Variants in GIGYF2 observed in about 807,000 individuals in gnomAD.
GIGYF2 encodes GRB10-interacting GYF protein 2.
Under a neutral mutation model 208.1 loss-of-function variants are expected in GIGYF2, and 25 were observed. That is an observed-to-expected ratio of 0.12 (90% confidence interval 0.09 to 0.17). The LOEUF (loss-of-function observed/expected upper bound fraction) is 0.17, where lower values mean the gene tolerates loss of function less well. Among genes scored for constraint, GIGYF2 ranks in the 10% least tolerant of loss-of-function variants. The probability of loss-of-function intolerance (pLI) is 1.00; values close to 1 mark genes in which losing one functional copy is unlikely to be tolerated. For synonymous variants in GIGYF2, 534 were observed against 543.8 expected (o/e 0.98, Z 0.25); for missense variants, 1,302 against 1,579.4 (o/e 0.82, Z 2.98).
chr2:232,802,091 C>T (rs1341638131), intron 14 of GIGYF2, among the ~76,000 whole-genome samples: 1 of 152,044 alleles, frequency 6.6e-6, no homozygotes, highest in Non-Finnish European at 1.5e-5. Flanking sequence ...TATAGAAATG[C>T]AACTGATTTT....
chr2:232,786,652 ATATCT>A (rs1290141680), intron 8 of GIGYF2, among the ~76,000 whole-genome samples: 6 of 152,362 alleles, frequency 3.9e-5, no homozygotes, highest in African/African-American at 7.2e-5. Flanking sequence ...ATGATGAAAA[ATATCT>A]TATAACTTTA....
At chr2:232,820,709 C>T (rs934657732) in intron 21 of GIGYF2, among the ~76,000 whole-genome samples, 1 of 152,090 alleles carries the variant, frequency 6.6e-6, no homozygotes, top group Non-Finnish European at 1.5e-5. Flanking sequence ...CTAGTTTTCC[C>T]ACCACCATTT....
intron 5 of GIGYF2, among the ~76,000 whole-genome samples, chr2:232,753,622 C>T (rs1468927681): frequency 6.6e-6 from 1 of 152,116 alleles, no homozygotes; most frequent in Non-Finnish European, 1.5e-5. Context: ...ATGTATTAGA[C>T]ACTGTTCTAA....
In GIGYF2 at chr2:232,815,725, C is replaced by A; in HGVS notation, c.2196C>A (p.Ala732=). 1 of 1,561,006 alleles carries A rather than the reference C, an allele frequency of 6.4e-7. No individual in the cohort carries two copies. Among genetic ancestry groups the A allele is most frequent in the Non-Finnish European group, 8.8e-7 (1 of 1,131,556 alleles). The change falls in exon 19 of 29, where the codon GCC becomes GCA. Residue 732 remains alanine, a synonymous_variant. Coordinates refer to ENST00000373563, the MANE Select transcript of GIGYF2 (RefSeq NM_001103146.3). ...ALEQLQQLEK[A]KAAKLEQERR... ...AACAGCTTCAGCAGCTAGAGAAGGC[C>A]AAAGCTGCAAAGGTCTGAAACTCAT... is the stretch of plus-strand genomic sequence containing the variant.
rs1450224967 is a variant in GIGYF2 at position 232,735,216 on chromosome 2, A to G, written c.19A>G (p.Thr7Ala). The change falls in exon 3 of 29, where the codon ACA (threonine) becomes GCA (alanine). Residue 7 changes from threonine (T) to alanine (A), a missense_variant. By Grantham distance (58) the Thr-to-Ala change is moderately conservative. Transcript: ENST00000373563. ...GAAAAGAATGGCAGCGGAAACGCAG[A>G]CACTGAACTTTGGGCCTGAATGGTG... MAAETQ[T>A]LNFGPEWLRA... 5.6e-6 allele frequency: 9 copies of G among 1,609,200 alleles called. No homozygotes were observed. Among genetic ancestry groups the G allele is most frequent in the Non-Finnish European group, 7.7e-6 (9 of 1,175,604 alleles).
chr2:232,827,312 G>A (rs1574930340), intron 21 of GIGYF2, among the ~76,000 whole-genome samples: 1 of 152,116 alleles, frequency 6.6e-6, no homozygotes, highest in East Asian at 1.9e-4. Flanking sequence ...GCTTTATTGC[G>A]ATCTTCACTT....
chr2:232,821,847 T>C (rs1027419916), intron 21 of GIGYF2, among the ~76,000 whole-genome samples: 1 of 152,116 alleles, frequency 6.6e-6, no homozygotes, highest in African/African-American at 2.4e-5. Flanking sequence ...CTGTATGATA[T>C]GAGGTATGGG....
At chr2:232,712,498 A>G (rs1269336122) in intron 2 of GIGYF2, among the ~76,000 whole-genome samples, 1 of 152,232 alleles carries the variant, frequency 6.6e-6, no homozygotes. Context: ...AGTGAAGAAT[A>G]TAGTGACTGC....
chr2:232,752,638 T>G (rs1467898778), intron 5 of GIGYF2, among the ~76,000 whole-genome samples: 2 of 152,092 alleles, frequency 1.3e-5, no homozygotes, highest in Non-Finnish European at 2.9e-5. Flanking sequence ...CTTCTCGGGT[T>G]CACGCCATTC....
chr2:232,840,527 CATT>C (rs1701783663), intron 23 of GIGYF2, among the ~76,000 whole-genome samples: 2 of 19,084 alleles, frequency 1.0e-4, no homozygotes, highest in Non-Finnish European at 2.5e-4. Context: ...ATTCGGTGCT[CATT>C]CATTCATTCA....
At chr2:232,849,725 A>G (rs1206864878) in intron 27 of GIGYF2, among the ~76,000 whole-genome samples, 1 of 152,226 alleles carries the variant, frequency 6.6e-6, no homozygotes, top group Non-Finnish European at 1.5e-5. Flanking sequence ...AAGGGCTAGT[A>G]GGCAATTTCA....
intron 2 of GIGYF2, among the ~76,000 whole-genome samples, chr2:232,706,553 G>C (rs1020077202): frequency 2.0e-5 from 3 of 152,122 alleles, no homozygotes; most frequent in Non-Finnish European, 4.4e-5. Flanking sequence ...TGAGGCAGGC[G>C]GATCACTTGA....
intron 8 of GIGYF2, among the ~76,000 whole-genome samples, chr2:232,773,091 A>G (rs1169877028): frequency 6.6e-6 from 1 of 152,164 alleles, no homozygotes; most frequent in Non-Finnish European, 1.5e-5. Context: ...TTCATATGAT[A>G]TAGACTTTAA....
chr2:232,753,806 A>G (rs543551566), intron 5 of GIGYF2, among the ~76,000 whole-genome samples: 44 of 152,158 alleles, frequency 2.9e-4, no homozygotes, highest in Non-Finnish European at 5.3e-4. Flanking sequence ...AGTATGCTCC[A>G]TGTCTCTATA....
intron 5 of GIGYF2, among the ~76,000 whole-genome samples, chr2:232,753,010 A>G (rs951760516): frequency 4.6e-5 from 7 of 152,114 alleles, no homozygotes; most frequent in Non-Finnish European, 8.8e-5. Context: ...TATGGTGTCT[A>G]CAACTATCTG....
In GIGYF2 at chr2:232,770,814, T is replaced by C. The variant is rs1365517910; in HGVS notation, c.532+9378T>C. On this transcript the variant is annotated intron_variant, in intron 8 of 28. Coordinates refer to ENST00000373563, the MANE Select transcript of GIGYF2 (RefSeq NM_001103146.3). ...TAAATTATTCTGTAACAGCATTACT[T>C]ATAACTGACTATACCCTTTCCAAAC... 12 of 861,338 alleles carry C rather than the reference T, an allele frequency of 1.4e-5. No homozygotes were observed. The East Asian group carries it at 2.6e-4, about 19-fold the overall frequency. 53.4% of individuals were successfully genotyped at this position (861,338 alleles called of 1,614,324 possible). A position where few individuals can be genotyped will look rare whatever the true frequency, so the allele number is the denominator to read the frequency against.
chr2:232,758,044 C>T (rs987498183), intron 6 of GIGYF2, among the ~76,000 whole-genome samples: 5 of 152,150 alleles, frequency 3.3e-5, no homozygotes, highest in Non-Finnish European at 7.4e-5. Flanking sequence ...GTGAAAAGTA[C>T]TTTTAACATT....
At chr2:232,748,828 T>C (rs961580222) in intron 4 of GIGYF2, among the ~76,000 whole-genome samples, 159 bp from the exon 5 acceptor site, 3 of 152,222 alleles carry the variant, frequency 2.0e-5, no homozygotes, top group African/African-American at 7.2e-5. Context: ...TCAAAATGTA[T>C]AAGGACTATA....
At chr2:232,763,363 A>AC in intron 8 of GIGYF2, among the ~76,000 whole-genome samples, 1 of 152,058 alleles carries the variant, frequency 6.6e-6, no homozygotes, top group East Asian at 1.9e-4. Context: ...ACATTTCAAG[A>AC]CCCCCAGTGG....
Sources: gnomAD v4.1 joint callset for allele counts (sites outside exome capture counted in the v4.1 genomes callset) on GRCh38, gnomAD v4.1.1 for gene constraint, MANE v1.5 for transcripts, NCBI Gene and HGNC (gene_info 2026-07-23, HGNC 2026-07-21) for gene names.